NRG1: variants seen among roughly 807,000 people sequenced by gnomAD.
The protein encoded by NRG1 is pro-neuregulin-1, membrane-bound isoform.
A neutral mutation model predicts 63.8 loss-of-function variants in NRG1; 18 were observed. The ratio of observed to expected loss-of-function variants is 0.28; its 90% CI spans 0.19 to 0.42. The LOEUF is 0.42. Among genes scored for constraint, NRG1 ranks in the 10% least tolerant of loss-of-function variants. The pLI is 1.00. For synonymous variants in NRG1, 302 were observed against 301.3 expected, an observed-to-expected ratio of 1.00 and a Z score of -0.02; for missense variants, 762 against 814.7, an observed-to-expected ratio of 0.94 and a Z score of 0.79.
At chr8:31,932,227 T>C (rs1452330328) in intron 1 of NRG1, among the ~76,000 whole-genome samples, 1 of 152,234 alleles carries the variant, frequency 6.6e-6, no homozygotes, top group Non-Finnish European at 1.5e-5. Flanking sequence ...ATATGCTTCG[T>C]AAATAATGGC....
At chr8:32,242,525 A>G (rs1651069846) in intron 1 of NRG1, among the ~76,000 whole-genome samples, 1 of 152,180 alleles carries the variant, frequency 6.6e-6, no homozygotes, top group African/African-American at 2.4e-5. Flanking sequence ...TAATTAGTGC[A>G]GTGTCTGACA....
In NRG1 at chr8:32,434,117, CAG is replaced by C. The variant is rs753663867; in HGVS notation, c.38-161708_38-161707del. Reference sequence around the variant, plus strand: ...AGGAGAATCACTTGAACCAGGGAGTCAGAGTTTGCAGTGAGCCAAGATCACAC... The same window carrying C: ...AGGAGAATCACTTGAACCAGGGAGTCAGTTTGCAGTGAGCCAAGATCACAC... On this transcript the variant is annotated intron_variant, in intron 1 of 10. Transcript: ENST00000519301. 2.6e-5 allele frequency among the ~76,000 whole-genome samples: 4 copies of C among 151,902 alleles called. No individual in the cohort carries two copies. The East Asian group carries it at 5.8e-4, about 22-fold the overall frequency.
intron 1 of NRG1, among the ~76,000 whole-genome samples, chr8:32,362,395 A>G (rs1301380007): frequency 6.6e-6 from 1 of 152,220 alleles, no homozygotes; most frequent in Admixed American, 6.5e-5. Context: ...TGCACACGGA[A>G]TATGCGATGT....
At chr8:32,320,114 A>G (rs6988109) in intron 1 of NRG1, among the ~76,000 whole-genome samples, 2 of 152,046 alleles carry the variant, frequency 1.3e-5, no homozygotes, top group African/African-American at 4.8e-5. Context: ...TTCCTCATTT[A>G]CAAAATAGAA....
At chr8:31,791,796 G>A (rs1017877498) in intron 1 of NRG1, among the ~76,000 whole-genome samples, 4 of 152,072 alleles carry the variant, frequency 2.6e-5, no homozygotes, top group East Asian at 1.9e-4. Context: ...CTTGCCCTTC[G>A]CTACAGAATC....
At chr8:32,216,462 G>T (rs1342876374) in intron 1 of NRG1, among the ~76,000 whole-genome samples, 3 of 148,238 alleles carry the variant, frequency 2.0e-5, no homozygotes, top group Non-Finnish European at 4.5e-5. Flanking sequence ...CATTACAATT[G>T]TATTATCATG....
At chr8:32,543,496 A>G (rs1832772702), upstream of NRG1, among the ~76,000 whole-genome samples, 1 of 152,072 alleles carries the variant, frequency 6.6e-6, no homozygotes, top group African/African-American at 2.4e-5. Context: ...ATTGTCTTAT[A>G]TATCTGCCTT....
chr8:31,807,999 G>A (rs1822465625), intron 1 of NRG1, among the ~76,000 whole-genome samples: 1 of 151,192 alleles, frequency 6.6e-6, no homozygotes. Flanking sequence ...TTATTCATCT[G>A]TTGATGAACA....
chr8:32,105,293 C>T (rs1342984532), intron 1 of NRG1, among the ~76,000 whole-genome samples: 1 of 152,142 alleles, frequency 6.6e-6, no homozygotes, highest in Non-Finnish European at 1.5e-5. Flanking sequence ...TGACACTGGG[C>T]AATTTACAAA....
intron 5 of NRG1, among the ~76,000 whole-genome samples, chr8:32,635,436 AAAG>A (rs1187625696): frequency 2.0e-5 from 3 of 152,232 alleles, no homozygotes; most frequent in Non-Finnish European, 2.9e-5. Flanking sequence ...CAGATTGTGA[AAAG>A]AAGTTCATTT....
chr8:32,614,410 ACTTC>A, intron 3 of NRG1, 100 bp from the exon 4 acceptor site: 2 of 1,102,840 alleles, frequency 1.8e-6, no homozygotes, highest in East Asian at 2.4e-5. Flanking sequence ...CCCTTGCAAT[ACTTC>A]CTTCCTTTAC....
At chr8:31,680,263 G>A (rs1303722718) in intron 1 of NRG1, among the ~76,000 whole-genome samples, 6 of 150,936 alleles carry the variant, frequency 4.0e-5, no homozygotes, top group African/African-American at 1.5e-4. Flanking sequence ...CTAGCATTAG[G>A]TATATCTCCC....
intron 1 of NRG1, among the ~76,000 whole-genome samples, chr8:31,930,486 G>C (rs1834769643): frequency 6.6e-6 from 1 of 152,040 alleles, no homozygotes; most frequent in Non-Finnish European, 1.5e-5. Context: ...TTTCTCCTTT[G>C]TTTACCTTGA....
intron 1 of NRG1, among the ~76,000 whole-genome samples, chr8:32,032,299 C>T (rs1019842167): frequency 6.6e-6 from 1 of 151,552 alleles, no homozygotes; most frequent in Non-Finnish European, 1.5e-5. Flanking sequence ...CTCACAGTGT[C>T]GTTCAGGCTG....
chr8:32,476,570 G>A (rs10096055), intron 1 of NRG1, among the ~76,000 whole-genome samples: 25,742 of 152,102 alleles, frequency 0.17, 2,215 homozygotes, highest in South Asian at 0.2. Flanking sequence ...GCTCCAGAGG[G>A]TTTATAAGAC....
At chr8:31,762,264 C>G (rs549144117) in intron 1 of NRG1, among the ~76,000 whole-genome samples, 1 of 152,316 alleles carries the variant, frequency 6.6e-6, no homozygotes, top group South Asian at 2.1e-4. Flanking sequence ...TCTCATTGTT[C>G]AACTCCCACT....
At chr8:32,340,450 A>G (rs1586917171) in intron 1 of NRG1, among the ~76,000 whole-genome samples, 2 of 152,076 alleles carry the variant, frequency 1.3e-5, no homozygotes, top group South Asian at 4.1e-4. Flanking sequence ...GTCTCTTTCC[A>G]CCTGCTAACC....
chr8:32,252,809 G>T (rs1217522501), intron 1 of NRG1, among the ~76,000 whole-genome samples: 1 of 152,128 alleles, frequency 6.6e-6, no homozygotes, highest in African/African-American at 2.4e-5. Flanking sequence ...TCATGATATT[G>T]ATTCTTCCTA....
At chr8:32,462,072 A>C (rs988609904) in intron 1 of NRG1, among the ~76,000 whole-genome samples, 1 of 152,206 alleles carries the variant, frequency 6.6e-6, no homozygotes, top group Non-Finnish European at 1.5e-5. Context: ...AATAGAGATG[A>C]ATCTCTAAAT....
Sources: gnomAD v4.1 joint callset for allele counts (sites outside exome capture counted in the v4.1 genomes callset) on GRCh38, gnomAD v4.1.1 for gene constraint, MANE v1.5 for transcripts, NCBI Gene and HGNC (gene_info 2026-07-23, HGNC 2026-07-21) for gene names.